SEMA6D: variants seen among roughly 807,000 people sequenced by gnomAD.
The protein encoded by SEMA6D is semaphorin-6D.
Under a neutral mutation model 106.6 loss-of-function variants are expected in SEMA6D, and 35 were observed. The observed-to-expected ratio is 0.33, with a 90% CI of 0.25 to 0.44. The LOEUF (loss-of-function observed/expected upper bound fraction) is 0.44, where lower values mean the gene tolerates loss of function less well. Ranked by LOEUF, SEMA6D falls within the 20% of genes least tolerant of loss-of-function variation. The probability of loss-of-function intolerance (pLI) is 1.00; values close to 1 mark genes in which losing one functional copy is unlikely to be tolerated. For missense variants in SEMA6D, 1,185 were observed against 1,345.9 expected, an observed-to-expected ratio of 0.88 and a Z score of 1.87; for synonymous variants, 499 against 487.7, an observed-to-expected ratio of 1.02 and a Z score of -0.31.
intron 2 of SEMA6D, among the ~76,000 whole-genome samples, chr15:47,456,431 T>C (rs530554245): frequency 1.5e-4 from 23 of 152,098 alleles, no homozygotes; most frequent in African/African-American, 5.5e-4. Flanking sequence ...TATTTTAATA[T>C]CACACACAGT....
chr15:47,595,805 G>A lies in SEMA6D; in HGVS notation c.-86-5060G>A, dbSNP rs142383938. ...TTTTTTCTTGATTCAGTGTTGCTAA[G>A]TTATATGTGTCTATGGTTTGCCCAT... On this transcript the variant is annotated intron_variant, in intron 3 of 19. Coordinates refer to the SEMA6D transcript ENST00000558014. Among the ~76,000 whole-genome samples, 627 of 152,052 alleles carry A rather than the reference G, an allele frequency of 4.1e-3. 3 individuals are homozygous for A. Among genetic ancestry groups the A allele is most frequent in the South Asian group, 5.8e-3 (28 of 4,816 alleles).
chr15:47,537,410 G>A (rs991796861), intron 3 of SEMA6D, among the ~76,000 whole-genome samples: 2 of 152,170 alleles, frequency 1.3e-5, no homozygotes, highest in Non-Finnish European at 2.9e-5. Context: ...AGGCTAAGTG[G>A]GAAGCAGTGC....
chr15:47,593,787 G>A (rs1372484246), intron 3 of SEMA6D, among the ~76,000 whole-genome samples: 1 of 152,178 alleles, frequency 6.6e-6, no homozygotes, highest in South Asian at 2.1e-4. Context: ...GGCGGAAGGG[G>A]GAGTAGGTGC....
At chr15:47,634,054 T>C (rs1351551119) in intron 4 of SEMA6D, among the ~76,000 whole-genome samples, 1 of 152,202 alleles carries the variant, frequency 6.6e-6, no homozygotes. Context: ...TAATTACTTG[T>C]TGAAGCATTT....
At chr15:47,339,878 AAG>A (rs1006817660) in intron 1 of SEMA6D, among the ~76,000 whole-genome samples, 2 of 151,866 alleles carry the variant, frequency 1.3e-5, no homozygotes, top group Admixed American at 6.6e-5. Context: ...GAAAGAAGGA[AAG>A]AGAGAGAGAA....
At chr15:47,398,418 T>C (rs923472164) in intron 1 of SEMA6D, among the ~76,000 whole-genome samples, 1 of 152,378 alleles carries the variant, frequency 6.6e-6, no homozygotes, top group South Asian at 2.1e-4. Flanking sequence ...TCTGGACTTC[T>C]GCTTTTCTTT....
chr15:47,676,239 A>G (rs750862325), intron 4 of SEMA6D, among the ~76,000 whole-genome samples: 6 of 152,210 alleles, frequency 3.9e-5, no homozygotes, highest in Non-Finnish European at 7.3e-5. Flanking sequence ...TTAAATGTGA[A>G]GTATGATTTT....
chr15:47,263,922 A>T (rs1175418377), intron 1 of SEMA6D, among the ~76,000 whole-genome samples: 1 of 151,710 alleles, frequency 6.6e-6, no homozygotes, highest in Non-Finnish European at 1.5e-5. Flanking sequence ...ACTATTCACA[A>T]TAGCAAAGAC....
chr15:47,276,277 G>T (rs1414503752), intron 1 of SEMA6D, among the ~76,000 whole-genome samples: 1 of 152,118 alleles, frequency 6.6e-6, no homozygotes, highest in Non-Finnish European at 1.5e-5. Flanking sequence ...GAAGAGGGTG[G>T]CTACTCTAAA....
intron 2 of SEMA6D, among the ~76,000 whole-genome samples, chr15:47,453,789 T>C (rs977246117): frequency 6.6e-6 from 1 of 151,926 alleles, no homozygotes; most frequent in Non-Finnish European, 1.5e-5. Flanking sequence ...TTGGCCAGAA[T>C]TTCTGGCATG....
chr15:47,599,981 G>A (rs2076614829), intron 3 of SEMA6D, among the ~76,000 whole-genome samples: 1 of 152,002 alleles, frequency 6.6e-6, no homozygotes, highest in South Asian at 2.1e-4. Context: ...GGAATTTGTA[G>A]CATTTGGGGA....
chr15:47,709,420 CG>C (rs2078974185), intron 4 of SEMA6D, among the ~76,000 whole-genome samples: 1 of 152,124 alleles, frequency 6.6e-6, no homozygotes, highest in African/African-American at 2.4e-5. Context: ...TTCCCTGCCA[CG>C]ACTCTAAATG....
At chr15:47,343,272 A>ATTATTAT (rs1016166275) in intron 1 of SEMA6D, among the ~76,000 whole-genome samples, 2 of 150,438 alleles carry the variant, frequency 1.3e-5, no homozygotes, top group African/African-American at 2.5e-5. Flanking sequence ...TATTATTATT[A>ATTATTAT]TACTTTAAGT....
rs281242 is a variant in SEMA6D, at chr15:47,443,675, A to T, written c.-158-26799A>T. 1.7e-3 allele frequency among the ~76,000 whole-genome samples: 262 copies of T among 152,298 alleles called. 2 individuals are homozygous for T. The highest frequency in any genetic ancestry group is 5.9e-3 in the African/African-American group (245 of 41,578). ...TTAATTTAGGGGGTGATTTTAGTGCAGTAATCAACAACTGGAATGCACTAG... is the reference window on the plus strand; with the variant it reads ...TTAATTTAGGGGGTGATTTTAGTGCTGTAATCAACAACTGGAATGCACTAG... On this transcript the variant is annotated intron_variant, in intron 2 of 19. Transcript: ENST00000558014.
At chr15:47,279,749 T>A (rs923272468) in intron 1 of SEMA6D, among the ~76,000 whole-genome samples, 2 of 152,068 alleles carry the variant, frequency 1.3e-5, no homozygotes, top group African/African-American at 4.8e-5. Context: ...GTTGTTGAAT[T>A]TTGTCAAAGG....
At chr15:47,429,106 A>C (rs1012877598) in intron 2 of SEMA6D, among the ~76,000 whole-genome samples, 7 of 152,018 alleles carry the variant, frequency 4.6e-5, no homozygotes, top group Admixed American at 1.3e-4. Flanking sequence ...TAGTGAGTGT[A>C]AGGCTTCCTG....
At chr15:47,320,433 C>A (rs2036879973) in intron 1 of SEMA6D, among the ~76,000 whole-genome samples, 1 of 152,190 alleles carries the variant, frequency 6.6e-6, no homozygotes. Flanking sequence ...AGTGCAGCAA[C>A]AAAATTTGTG....
chr15:47,366,806 GAT>G (rs943972593), intron 1 of SEMA6D, among the ~76,000 whole-genome samples: 6 of 152,232 alleles, frequency 3.9e-5, no homozygotes, highest in African/African-American at 1.2e-4. Flanking sequence ...TGTAAGGAAA[GAT>G]AGAGTTAGAA....
intron 1 of SEMA6D, among the ~76,000 whole-genome samples, chr15:47,400,182 A>C (rs1189132929): frequency 8.5e-5 from 13 of 152,148 alleles, no homozygotes; most frequent in Non-Finnish European, 1.9e-4. Context: ...CTTCCCAGCG[A>C]ACACACTGTA....
Sources: gnomAD v4.1 joint callset for allele counts (sites outside exome capture counted in the v4.1 genomes callset) on GRCh38, gnomAD v4.1.1 for gene constraint, MANE v1.5 for transcripts, NCBI Gene and HGNC (gene_info 2026-07-23, HGNC 2026-07-21) for gene names.